PLEKHA6: variants seen among roughly 807,000 people sequenced by gnomAD.
The protein encoded by PLEKHA6 is pleckstrin homology domain containing A6.
In PLEKHA6, 60 loss-of-function variants were observed where a neutral mutation model predicts 116.7. The ratio of observed to expected loss-of-function variants is 0.51; its 90% CI spans 0.42 to 0.64. The LOEUF is 0.64. Among genes scored for constraint, PLEKHA6 ranks in the 30% least tolerant of loss-of-function variants. PLEKHA6 has a pLI of 0.00. For synonymous variants in PLEKHA6, 489 were observed against 556.1 expected (o/e 0.88, Z 1.70); for missense variants, 1,338 against 1,422.7 (o/e 0.94, Z 0.96).
chr1:204,310,580 C>A (rs747859718), intron 1 of PLEKHA6, among the ~76,000 whole-genome samples: 1 of 152,170 alleles, frequency 6.6e-6, no homozygotes, highest in African/African-American at 2.4e-5. Context: ...TGACTTTTTA[C>A]GCCAAAAACG....
intron 17 of PLEKHA6, among the ~76,000 whole-genome samples, chr1:204,232,013 C>T (rs1037650660): frequency 3.3e-5 from 5 of 151,968 alleles, no homozygotes; most frequent in Non-Finnish European, 7.3e-5. Context: ...GAATGGAATG[C>T]TGGTAGAAAT....
At chr1:204,329,543 A>C (rs894625260) in intron 1 of PLEKHA6, among the ~76,000 whole-genome samples, 8 of 152,348 alleles carry the variant, frequency 5.3e-5, no homozygotes, top group African/African-American at 1.9e-4. Context: ...ATATCACACA[A>C]AAAAAGAGAC....
At chr1:204,311,768 C>T (rs748014535) in intron 1 of PLEKHA6, 91 of 598,126 alleles carry the variant, frequency 1.5e-4, no homozygotes, top group Non-Finnish European at 1.8e-4. Flanking sequence ...TAAGATTACA[C>T]TCTAAAGGGA....
rs914534312 is a variant in PLEKHA6, at chr1:204,329,465, A to C, written c.-95+30229T>G. Among the ~76,000 whole-genome samples, 6 of 152,200 alleles carry C rather than the reference A, an allele frequency of 3.9e-5. No homozygotes were observed. In the South Asian group the frequency reaches 1.0e-3, roughly 26 times the overall value. ...GATCAAAGAAGCAACGTCTAATTAG[A>C]GAGTCATTAATAGGCAATTAGCCTG... On this transcript the variant is annotated intron_variant, in intron 1 of 22. Coordinates refer to ENST00000272203, the MANE Select transcript of PLEKHA6 (RefSeq NM_014935.5).
At chr1:204,349,339 G>T (rs1487218804) in intron 1 of PLEKHA6, among the ~76,000 whole-genome samples, 1 of 152,136 alleles carries the variant, frequency 6.6e-6, no homozygotes, top group Non-Finnish European at 1.5e-5. Context: ...AGGAGTTCGA[G>T]ACCAGCCTGG....
intron 17 of PLEKHA6, among the ~76,000 whole-genome samples, chr1:204,234,469 C>A (rs1661657576): frequency 6.6e-6 from 1 of 152,192 alleles, no homozygotes; most frequent in Non-Finnish European, 1.5e-5. Flanking sequence ...TGGATCAGCA[C>A]ATTTGACTCT....
In PLEKHA6 at chr1:204,259,345, T is replaced by C; in HGVS notation, c.920A>G (p.Lys307Arg). The change falls in exon 8 of 23, where the codon AAA becomes AGA. Residue 307 changes from lysine to arginine, a missense_variant. By Grantham distance (26) the Lys-to-Arg change is conservative. Coordinates refer to ENST00000272203, the MANE Select transcript of PLEKHA6 (RefSeq NM_014935.5). The surrounding 1 kb of genome is among the most constrained non-coding windows in gnomAD (Gnocchi z 4.6). ...RSFPPRTNPD[K>R]IAQRKSSMNQ... Reference sequence around the variant, plus strand: ...CATGGAGCTCTTGCGCTGGGCAATTTTGTCAGGGTTGGTGCGTGGTGGGAA... The same window carrying C: ...CATGGAGCTCTTGCGCTGGGCAATTCTGTCAGGGTTGGTGCGTGGTGGGAA... 6.2e-7 allele frequency: 1 copy of C among 1,614,224 alleles called. No individual in the cohort carries two copies. The highest frequency in any genetic ancestry group is 8.5e-7 in the Non-Finnish European group (1 of 1,180,036).
intron 1 of PLEKHA6, among the ~76,000 whole-genome samples, chr1:204,337,751 C>A (rs948602521): frequency 6.6e-6 from 1 of 152,116 alleles, no homozygotes; most frequent in Admixed American, 6.5e-5. Flanking sequence ...CTCACTTGTG[C>A]TCCAGTGGAA....
intron 1 of PLEKHA6, among the ~76,000 whole-genome samples, chr1:204,355,160 C>T (rs962665214): frequency 3.9e-5 from 6 of 152,194 alleles, no homozygotes; most frequent in Non-Finnish European, 7.3e-5. Context: ...GGGAGAGAGA[C>T]GATTATACCT....
Position 204,241,680 on chromosome 1 carries a change from A to G in PLEKHA6, c.2302+5T>C. ...ACTTCTAGGGGAAGATGGGACAGAA[A>G]GTACCTTTGTTGAGAGCTGCCTGCT... On this transcript the variant is annotated splice_donor_5th_base_variant and intron_variant, in intron 16 of 22. Coordinates refer to ENST00000272203, the MANE Select transcript of PLEKHA6 (RefSeq NM_014935.5). 1 of 1,580,882 alleles carries G rather than the reference A, an allele frequency of 6.3e-7. No homozygotes were observed.
At chr1:204,342,102 T>C (rs1168023594) in intron 1 of PLEKHA6, among the ~76,000 whole-genome samples, 1 of 152,162 alleles carries the variant, frequency 6.6e-6, no homozygotes, top group Non-Finnish European at 1.5e-5. Context: ...GGAGGATCGC[T>C]TGAGCCTGGG....
chr1:204,260,777 G>A (rs532225720), intron 7 of PLEKHA6, among the ~76,000 whole-genome samples: 26 of 152,170 alleles, frequency 1.7e-4, no homozygotes, highest in Non-Finnish European at 3.4e-4. Flanking sequence ...CGATGGGAGC[G>A]GCCATATGTT....
At chr1:204,357,161 G>A (rs551981046) in intron 1 of PLEKHA6, among the ~76,000 whole-genome samples, 34 of 152,306 alleles carry the variant, frequency 2.2e-4, no homozygotes, top group South Asian at 4.1e-4. Context: ...CTTAGAAGTC[G>A]GCAGATTTTG....
chr1:204,376,421 ATTTAAGAATCTGAC>A (rs1394577518), intron 1 of PLEKHA6, among the ~76,000 whole-genome samples: 3 of 152,240 alleles, frequency 2.0e-5, no homozygotes, highest in Non-Finnish European at 2.9e-5. Flanking sequence ...AGGTTCTGTT[ATTTAAGAATCTGAC>A]TTAGGGTCAA....
chr1:204,287,368 T>C (rs1383377798), intron 1 of PLEKHA6, among the ~76,000 whole-genome samples: 2 of 151,666 alleles, frequency 1.3e-5, no homozygotes, highest in Non-Finnish European at 2.9e-5. Context: ...TCCACAAAAC[T>C]GTCATTAGAA....
chr1:204,300,338 C>A (rs1055769670), intron 1 of PLEKHA6, among the ~76,000 whole-genome samples: 1 of 152,170 alleles, frequency 6.6e-6, no homozygotes, highest in Admixed American at 6.5e-5. Flanking sequence ...CCATGCAATG[C>A]GTGGGGAAGC....
At chr1:204,323,330 G>T (rs552447376) in intron 1 of PLEKHA6, among the ~76,000 whole-genome samples, 1 of 152,178 alleles carries the variant, frequency 6.6e-6, no homozygotes, top group Non-Finnish European at 1.5e-5. Context: ...TCTTATCTCC[G>T]CAGCACCCCT....
At position 204,277,422 on chromosome 1, in the gene PLEKHA6, A is replaced by T. The variant is rs1013526308; in HGVS notation, c.-94-2613T>A. Among the ~76,000 whole-genome samples, 1 of 152,112 alleles carries T rather than the reference A, an allele frequency of 6.6e-6. No homozygotes were observed. The highest frequency in any genetic ancestry group is 1.5e-5 in the Non-Finnish European group (1 of 67,974). On this transcript the variant is annotated intron_variant, in intron 1 of 22. Coordinates refer to ENST00000272203, the MANE Select transcript of PLEKHA6 (RefSeq NM_014935.5). This position sits in a 1 kb window ranked among gnomAD's most constrained non-coding sequence, Gnocchi z 4.1. ...CGGAGCAGGTGTAGCACTCCCAGGTAGTCCGACCTCAGTGAGCTAAGGACG... is the reference window on the plus strand; with the variant it reads ...CGGAGCAGGTGTAGCACTCCCAGGTTGTCCGACCTCAGTGAGCTAAGGACG...
At chr1:204,311,571 C>CA (rs1002999769) in intron 1 of PLEKHA6, 938 of 940,050 alleles carry the variant, frequency 1.0e-3, no homozygotes, top group Non-Finnish European at 1.1e-3. Context: ...TTGAGTGTAA[C>CA]AAAAAAAAAC....
Sources: gnomAD v4.1 joint callset for allele counts (sites outside exome capture counted in the v4.1 genomes callset) on GRCh38, gnomAD v4.1.1 for gene constraint, Gnocchi (gnomAD v3.1) non-coding constraint, MANE v1.5 for transcripts, NCBI Gene and HGNC (gene_info 2026-07-23, HGNC 2026-07-21) for gene names.